The following KCND3 variants were observed in gnomAD, a reference collection of about 807,000 sequenced individuals.
KCND3 encodes A-type voltage-gated potassium channel KCND3.
A neutral mutation model predicts 51.1 loss-of-function variants in KCND3; 9 were observed. The observed-to-expected ratio is 0.18, with a 90% CI of 0.11 to 0.31. The LOEUF (loss-of-function observed/expected upper bound fraction) is 0.31. Ranked by LOEUF, KCND3 falls within the 10% of genes least tolerant of loss-of-function variation. The pLI is 1.00. For synonymous variants in KCND3, 349 were observed against 368.0 expected, an observed-to-expected ratio of 0.95 and a Z score of 0.59; for missense variants, 526 against 903.8, an observed-to-expected ratio of 0.58 and a Z score of 5.36.
rs141977053 is a variant in KCND3 at position 111,882,903 on chromosome 1, G to A, written c.1107-95797C>T. ...GCTGAATCTCTGTGGCTTGCTTGGA[G>A]TCCAGAGCAAATAAATGGTAAAAAC... On this transcript the variant is annotated intron_variant, in intron 2 of 7. Transcript: ENST00000302127. Among the ~76,000 whole-genome samples, 434 of 152,270 alleles carry A rather than the reference G, an allele frequency of 2.9e-3. 3 individuals carry two copies. Among genetic ancestry groups the A allele is most frequent in the African/African-American group, 9.7e-3 (404 of 41,532 alleles).
At chr1:111,900,921 C>T (rs548704509) in intron 2 of KCND3, among the ~76,000 whole-genome samples, 29 of 152,282 alleles carry the variant, frequency 1.9e-4, no homozygotes, top group Admixed American at 1.7e-3. Context: ...CACACCATTG[C>T]ACTCCAGCCT....
intron 2 of KCND3, among the ~76,000 whole-genome samples, chr1:111,876,683 AG>A (rs1272043513): frequency 3.3e-5 from 5 of 152,248 alleles, no homozygotes; most frequent in African/African-American, 1.2e-4. Flanking sequence ...CAGACAACAT[AG>A]GGGTAGGCAA....
intron 2 of KCND3, chr1:111,910,047 C>T (rs1234367148): frequency 6.6e-6 from 1 of 152,224 alleles, no homozygotes; most frequent in Non-Finnish European, 1.5e-5. Context: ...TTTCAGTGGC[C>T]TGGGAGCCAC....
chr1:111,788,565 C>T (rs1664703903), intron 2 of KCND3, among the ~76,000 whole-genome samples: 1 of 152,218 alleles, frequency 6.6e-6, no homozygotes, highest in South Asian at 2.1e-4. Flanking sequence ...TGTTTTGAGA[C>T]TGTCTTCCTT....
chr1:111,979,978 G>A (rs1168208406), intron 2 of KCND3, among the ~76,000 whole-genome samples: 1 of 152,166 alleles, frequency 6.6e-6, no homozygotes, highest in Non-Finnish European at 1.5e-5. Context: ...AAGTGGAAGT[G>A]AGGTGTCTGG....
chr1:111,939,740 C>T (rs986127045), intron 2 of KCND3, among the ~76,000 whole-genome samples: 11 of 152,140 alleles, frequency 7.2e-5, no homozygotes, highest in Non-Finnish European at 1.6e-4. Context: ...GGTATATACC[C>T]AGTAATGGGA....
intron 2 of KCND3, among the ~76,000 whole-genome samples, chr1:111,966,506 C>T (rs1452611156): frequency 1.3e-5 from 2 of 152,172 alleles, no homozygotes; most frequent in Admixed American, 6.5e-5. Context: ...ATGCTGCAAA[C>T]GTCCTTGGCT....
At chr1:111,889,444 T>C (rs988904638) in intron 2 of KCND3, among the ~76,000 whole-genome samples, 1 of 152,332 alleles carries the variant, frequency 6.6e-6, no homozygotes, top group East Asian at 1.9e-4. Context: ...AAGATATCTG[T>C]TCCTGTAGAG....
At chr1:111,846,339 C>T (rs902990447) in intron 2 of KCND3, among the ~76,000 whole-genome samples, 4 of 152,198 alleles carry the variant, frequency 2.6e-5, no homozygotes, top group African/African-American at 9.7e-5. Context: ...GCCCATTTAT[C>T]CTCTTTCGGG....
At chr1:111,965,486 A>ACACG (rs1553184451) in intron 2 of KCND3, among the ~76,000 whole-genome samples, 2 of 147,920 alleles carry the variant, frequency 1.4e-5, no homozygotes, top group Non-Finnish European at 3.0e-5. Context: ...ACACACACAC[A>ACACG]CACGCCAGGA....
intron 2 of KCND3, among the ~76,000 whole-genome samples, chr1:111,914,352 A>G (rs1455392830): frequency 1.3e-5 from 2 of 151,964 alleles, no homozygotes; most frequent in African/African-American, 4.8e-5. Flanking sequence ...TGGGGTCCCC[A>G]AAAAGAAGAG....
intron 2 of KCND3, among the ~76,000 whole-genome samples, chr1:111,943,965 T>G (rs1672656889): frequency 1.3e-5 from 2 of 152,254 alleles, no homozygotes; most frequent in African/African-American, 4.8e-5. Flanking sequence ...TTTTATCAGC[T>G]GCAGAAAAGC....
chr1:111,876,728 C>A (rs1326745547), intron 2 of KCND3, among the ~76,000 whole-genome samples: 1 of 152,186 alleles, frequency 6.6e-6, no homozygotes, highest in Admixed American at 6.5e-5. Context: ...TTCTGCCCAG[C>A]CTCTCCCCAA....
chr1:111,776,224 T>C lies in KCND3; in HGVS notation c.1821A>G (p.Thr607=). 1.1e-5 allele frequency: 17 copies of C among 1,614,180 alleles called. No homozygotes were observed. Among genetic ancestry groups the C allele is most frequent in the Non-Finnish European group, 1.4e-5 (17 of 1,180,028 alleles). The part of the protein sequence containing the change: ...ADDGLRPNCK[T]SQITTAIISI... ...TGATGATGGCTGTGGTGATCTGGGA[T>C]GTTTTGCAGTTTGGTCTCAGTCCGT... The change falls in exon 8 of 8, where the codon ACA becomes ACG. Residue 607 remains threonine, a synonymous_variant. Transcript: ENST00000302127.
At chr1:111,978,094 G>A (rs976464514) in intron 2 of KCND3, among the ~76,000 whole-genome samples, 1 of 152,180 alleles carries the variant, frequency 6.6e-6, no homozygotes, top group African/African-American at 2.4e-5. Context: ...GGCTGTTATT[G>A]TTCTTGTGTG....
intron 2 of KCND3, among the ~76,000 whole-genome samples, chr1:111,932,602 C>T (rs61788926): frequency 0.14 from 20,972 of 152,184 alleles, 1,940 homozygotes; most frequent in African/African-American, 0.26. Context: ...ACTCTAGATA[C>T]CTCATATAAA....
rs546558027 is a variant in KCND3, at chr1:111,939,917, G to A, written c.1106+41704C>T. ...GTTGTTTCCTGACTTTTTAATGATC[G>A]CCATTCTAACTGGCATGAGATGGTA... is the stretch of plus-strand genomic sequence containing the variant. On this transcript the variant is annotated intron_variant, in intron 2 of 7. Coordinates refer to ENST00000302127, the MANE Select transcript of KCND3 (RefSeq NM_001378969.1). Among the ~76,000 whole-genome samples the A allele has an allele frequency of 2.6e-3, 395 of 152,108 alleles. 1 individual carries two copies. Among genetic ancestry groups the A allele is most frequent in the Middle Eastern group, 0.01 (3 of 294 alleles).
chr1:111,780,560 G>T lies in KCND3; in HGVS notation c.1371+130C>A. 1.1e-6 allele frequency: 1 copy of T among 884,258 alleles called. No individual in the cohort carries two copies. The highest frequency in any genetic ancestry group is 1.8e-6 in the Non-Finnish European group (1 of 545,418). 54.8% of individuals were successfully genotyped at this position (884,258 alleles called of 1,614,324 possible). On this transcript the variant is annotated intron_variant, in intron 4 of 7. Coordinates refer to ENST00000302127, the MANE Select transcript of KCND3 (RefSeq NM_001378969.1). The surrounding 1 kb of genome is among the most constrained non-coding windows in gnomAD (Gnocchi z 4.2). ...TGTGAATGGGGGGCTGCTACCTGGG[G>T]AAAGTTTGGAAACGTGTCCTCCTTG...
intron 2 of KCND3, among the ~76,000 whole-genome samples, chr1:111,960,682 C>T (rs531323464): frequency 6.6e-6 from 1 of 152,364 alleles, no homozygotes; most frequent in African/African-American, 2.4e-5. Flanking sequence ...GGGAGGGAGG[C>T]TTGACTGAAG....
Sources: allele counts gnomAD v4.1 joint callset (sites outside exome capture counted in the v4.1 genomes callset), GRCh38; gene constraint gnomAD v4.1.1; non-coding constraint Gnocchi (gnomAD v3.1); transcripts MANE v1.5; gene names NCBI Gene and HGNC (gene_info 2026-07-23, HGNC 2026-07-21).